Variants in TLN2 observed in about 807,000 individuals in gnomAD.
The protein encoded by TLN2 is talin 2.
TLN2 carries 118 observed loss-of-function variants against 294.7 expected under a neutral mutation model. The ratio of observed to expected loss-of-function variants is 0.40; its 90% CI spans 0.34 to 0.47. The LOEUF is 0.47. Among genes scored for constraint, TLN2 ranks in the 20% least tolerant of loss-of-function variants. TLN2 has a pLI of 0.84. For missense variants in TLN2, 3,083 were observed against 3,282.2 expected (o/e 0.94, Z 1.48); for synonymous variants, 1,431 against 1,304.5 (o/e 1.10, Z -2.09).
chr15:62,424,640 A>G (rs1365969349), intron 1 of TLN2, among the ~76,000 whole-genome samples: 2 of 148,532 alleles, frequency 1.3e-5, no homozygotes, highest in South Asian at 2.2e-4. Flanking sequence ...AGGCATCCCT[A>G]TTTTTCTTTT....
In TLN2 at chr15:62,790,519, G is replaced by A. The variant is rs1382385889; in HGVS notation, c.5737-2122G>A. Among the ~76,000 whole-genome samples, 4 of 152,226 alleles carry A rather than the reference G, an allele frequency of 2.6e-5. No individual in the cohort carries two copies. The East Asian group carries it at 7.7e-4, about 29-fold the overall frequency. On this transcript the variant is annotated intron_variant, in intron 45 of 58. Coordinates refer to ENST00000636159, the MANE Select transcript of TLN2 (RefSeq NM_015059.3). ...TCTGGGTCTGTAAAATGGGGAGGTTGAACTGGTAAGATCTTTTTTACCTTG... is the reference window on the plus strand; with the variant it reads ...TCTGGGTCTGTAAAATGGGGAGGTTAAACTGGTAAGATCTTTTTTACCTTG...
chr15:62,781,336 G>A, intron 44 of TLN2, 95 bp downstream of exon 44: 1 of 934,242 alleles, frequency 1.1e-6, no homozygotes, highest in South Asian at 1.4e-5. Context: ...GTCAGAGAGA[G>A]AGCCCAGACC....
rs1469055726 is a variant in TLN2 at position 62,792,702 on chromosome 15, A to C, written c.5798A>C (p.Gln1933Pro). The C allele has an allele frequency of 6.2e-7, 1 of 1,614,068 alleles. No homozygotes were observed. The highest frequency in any genetic ancestry group is 8.5e-7 in the Non-Finnish European group (1 of 1,180,056). Reference sequence around the variant, plus strand: ...GGCCACGGCTGTATCTTCCTGGTGCAGAAGGCAGGGGCCCTCCAGGTCTGC... The same window carrying C: ...GGCCACGGCTGTATCTTCCTGGTGCCGAAGGCAGGGGCCCTCCAGGTCTGC... ...DLGHGCIFLV[Q>P]KAGALQVCPT... Residue 1933 changes from glutamine to proline, a missense_variant, in exon 46 of 59, where the codon CAG (glutamine) becomes CCG (proline). By Grantham distance (76) the Gln-to-Pro change is moderately conservative. Coordinates refer to ENST00000636159, the MANE Select transcript of TLN2 (RefSeq NM_015059.3).
intron 1 of TLN2, among the ~76,000 whole-genome samples, chr15:62,460,020 C>T (rs182671087): frequency 2.0e-4 from 31 of 152,302 alleles, no homozygotes; most frequent in Admixed American, 1.6e-3. Flanking sequence ...AGGACCTCAG[C>T]TCTGTAGGCT....
At chr15:62,448,023 C>T (rs933805519) in intron 1 of TLN2, among the ~76,000 whole-genome samples, 2 of 152,230 alleles carry the variant, frequency 1.3e-5, no homozygotes, top group African/African-American at 2.4e-5. Flanking sequence ...CTGGCTGCCA[C>T]TGATGCAGAA....
At chr15:62,705,762 TC>T (rs780473645) in intron 19 of TLN2, among the ~76,000 whole-genome samples, 7 of 152,222 alleles carry the variant, frequency 4.6e-5, no homozygotes, top group Non-Finnish European at 7.3e-5. Flanking sequence ...TGGGAGCAAT[TC>T]CTAAAAGTTG....
chr15:62,809,919 C>A lies in TLN2; in HGVS notation c.6664-6C>A. The A allele has an allele frequency of 6.2e-7, 1 of 1,613,796 alleles. No individual in the cohort carries two copies. ...TTAAGATTTCAGCATTCCTTTCTCT[C>A]TCCAGCAAGCATCCTTCCACCCCGA... On this transcript the variant is annotated splice_polypyrimidine_tract_variant and splice_region_variant and intron_variant, in intron 51 of 58. Coordinates refer to ENST00000636159, the MANE Select transcript of TLN2 (RefSeq NM_015059.3).
intron 1 of TLN2, among the ~76,000 whole-genome samples, chr15:62,529,502 T>G (rs1333530187): frequency 1.3e-5 from 2 of 149,662 alleles, no homozygotes; most frequent in African/African-American, 4.9e-5. Context: ...CTGTCTCCAA[T>G]CCCTGCCCCT....
chr15:62,762,779 G>C (rs2062756417), intron 39 of TLN2, among the ~76,000 whole-genome samples: 1 of 152,134 alleles, frequency 6.6e-6, no homozygotes, highest in Non-Finnish European at 1.5e-5. Context: ...GTCACCTTAA[G>C]GCCCAATGGC....
rs1172407589 is a variant in TLN2, at chr15:62,492,195, T to C, written c.-237-97492T>C. On this transcript the variant is annotated intron_variant, in intron 1 of 58. Transcript: ENST00000636159. ...GGCCGGACGCGGTGGCTCACGCCTG[T>C]AATCCCAGCACTTTGGGAGGCTGAG... is the stretch of plus-strand genomic sequence containing the variant. Among the ~76,000 whole-genome samples the C allele has an allele frequency of 3.3e-5, 5 of 152,176 alleles. No individual in the cohort carries two copies. In the East Asian group the frequency reaches 9.7e-4, roughly 29 times the overall value.
At chr15:62,614,428 C>T (rs987008485) in intron 2 of TLN2, among the ~76,000 whole-genome samples, 6 of 152,128 alleles carry the variant, frequency 3.9e-5, no homozygotes, top group Non-Finnish European at 8.8e-5. Context: ...ATCAACTATC[C>T]TAAAAGTTTT....
At position 62,652,625 on chromosome 15, in the gene TLN2, A is replaced by C. The variant is rs1424234291; in HGVS notation, c.364+491A>C. On this transcript the variant is annotated intron_variant, in intron 6 of 58. Transcript: ENST00000636159. ...TTTTCTCTTCATGCAAAGGAAGCCT[A>C]GTTCCTTCAGACACTTCTTGTTTGA... Among the ~76,000 whole-genome samples, 22 of 152,198 alleles carry C rather than the reference A, an allele frequency of 1.4e-4. 1 individual carries two copies. Among genetic ancestry groups the C allele is most frequent in the Admixed American group, 1.4e-3 (22 of 15,276 alleles).
intron 1 of TLN2, among the ~76,000 whole-genome samples, chr15:62,541,602 G>T (rs1425096999): frequency 6.6e-6 from 1 of 152,164 alleles, no homozygotes; most frequent in Non-Finnish European, 1.5e-5. Flanking sequence ...AGGGGTGTGT[G>T]TGTGTGTGTT....
intron 1 of TLN2, among the ~76,000 whole-genome samples, chr15:62,419,560 T>G (rs560127376): frequency 6.6e-6 from 1 of 151,416 alleles, no homozygotes; most frequent in Non-Finnish European, 1.5e-5. Flanking sequence ...GAGCACCTTT[T>G]TCTAGAAAGG....
intron 45 of TLN2, among the ~76,000 whole-genome samples, chr15:62,790,270 T>A (rs928497974): frequency 6.6e-6 from 1 of 152,150 alleles, no homozygotes; most frequent in South Asian, 2.1e-4. Flanking sequence ...AAAGGAAGAG[T>A]ATACTAATAA....
intron 50 of TLN2, among the ~76,000 whole-genome samples, chr15:62,804,751 G>A (rs1039356189): frequency 6.6e-6 from 1 of 152,146 alleles, no homozygotes; most frequent in African/African-American, 2.4e-5. Flanking sequence ...TTTGACATTG[G>A]TTGGCATTCT....
chr15:62,686,097 T>C (rs539182474), intron 11 of TLN2, among the ~76,000 whole-genome samples: 66 of 152,302 alleles, frequency 4.3e-4, no homozygotes, highest in Middle Eastern at 3.4e-3. Flanking sequence ...TTAAAACTAG[T>C]TATAAAATAA....
chr15:62,616,050 A>G (rs1260677736), intron 2 of TLN2, among the ~76,000 whole-genome samples: 1 of 152,108 alleles, frequency 6.6e-6, no homozygotes, highest in Non-Finnish European at 1.5e-5. Context: ...TTATTTTCTT[A>G]ATAAGCTTTT....
intron 1 of TLN2, among the ~76,000 whole-genome samples, chr15:62,410,014 C>G (rs570796198): frequency 1.3e-5 from 2 of 152,232 alleles, no homozygotes; most frequent in African/African-American, 4.8e-5. Context: ...GAGGCCGAGG[C>G]GGGTGGATCA....
Sources: allele counts gnomAD v4.1 joint callset (sites outside exome capture counted in the v4.1 genomes callset), GRCh38; gene constraint gnomAD v4.1.1; transcripts MANE v1.5; gene names NCBI Gene and HGNC (gene_info 2026-07-23, HGNC 2026-07-21).